The following ARHGAP15 variants were observed in gnomAD, a reference collection of about 807,000 sequenced individuals.
ARHGAP15 encodes Rho GTPase activating protein 15.
Under a neutral mutation model 63.7 loss-of-function variants are expected in ARHGAP15, and 51 were observed. That is an observed-to-expected ratio of 0.80 (90% CI 0.64 to 1.01). The LOEUF is 1.01. ARHGAP15 is among the 50% of genes least tolerant of loss of function. The probability of loss-of-function intolerance (pLI) is 0.00; values close to 1 mark genes in which losing one functional copy is unlikely to be tolerated. For missense variants in ARHGAP15, 560 were observed against 564.6 expected (o/e 0.99, Z 0.08); for synonymous variants, 191 against 193.8 (o/e 0.99, Z 0.12).
rs553325113 is a variant in ARHGAP15 at position 143,639,854 on chromosome 2, T to C, written c.1138+15587T>C. Reference sequence around the variant, plus strand: ...AAATACTATGTCTACTCACATTCAGTGGTATTCCACTTTTTAAAAAATGTT... The same window carrying C: ...AAATACTATGTCTACTCACATTCAGCGGTATTCCACTTTTTAAAAAATGTT... On this transcript the variant is annotated intron_variant, in intron 12 of 13. Coordinates refer to ENST00000295095, the MANE Select transcript of ARHGAP15 (RefSeq NM_018460.4). Among the ~76,000 whole-genome samples, 7 of 152,248 alleles carry C rather than the reference T, an allele frequency of 4.6e-5. No homozygotes were observed. In the South Asian group the frequency reaches 1.2e-3, roughly 27 times the overall value.
chr2:143,353,117 A>G (rs1177149697), intron 6 of ARHGAP15, among the ~76,000 whole-genome samples: 1 of 152,126 alleles, frequency 6.6e-6, no homozygotes, highest in African/African-American at 2.4e-5. Flanking sequence ...AAAAAATTAG[A>G]AGGCACATAA....
chr2:143,383,390 G>GAA (rs1198460913), intron 6 of ARHGAP15, among the ~76,000 whole-genome samples: 4 of 152,076 alleles, frequency 2.6e-5, no homozygotes, highest in Non-Finnish European at 4.4e-5. Context: ...TTAAGAATTA[G>GAA]AAATAGCCAT....
chr2:143,507,620 C>G (rs1447370298), intron 9 of ARHGAP15, among the ~76,000 whole-genome samples: 1 of 152,184 alleles, frequency 6.6e-6, no homozygotes, highest in East Asian at 1.9e-4. Flanking sequence ...TTGATGCTTT[C>G]CAAACTTAAA....
intron 9 of ARHGAP15, among the ~76,000 whole-genome samples, chr2:143,499,700 G>A (rs1350507863): frequency 6.6e-6 from 1 of 152,102 alleles, no homozygotes; most frequent in Non-Finnish European, 1.5e-5. Flanking sequence ...TAAGTAAGCT[G>A]TGTAGGAAGT....
chr2:143,404,406 A>G (rs1257082122), intron 6 of ARHGAP15, among the ~76,000 whole-genome samples: 1 of 151,956 alleles, frequency 6.6e-6, no homozygotes, highest in Non-Finnish European at 1.5e-5. Flanking sequence ...ATAAATGAAT[A>G]AATTGACAGA....
intron 11 of ARHGAP15, chr2:143,587,827 T>C (rs1697169139): frequency 2.2e-6 from 1 of 455,240 alleles, no homozygotes; most frequent in Admixed American, 2.5e-5. Context: ...GGTATTTATA[T>C]TTATTAAGTT....
intron 6 of ARHGAP15, among the ~76,000 whole-genome samples, chr2:143,416,068 C>G (rs1446544014): frequency 6.6e-6 from 1 of 151,710 alleles, no homozygotes; most frequent in African/African-American, 2.4e-5. Flanking sequence ...TCACAAATCA[C>G]CGCTAAAGAA....
At chr2:143,215,096 AT>A (rs1358959009) in intron 3 of ARHGAP15, among the ~76,000 whole-genome samples, 1 of 152,354 alleles carries the variant, frequency 6.6e-6, no homozygotes, top group East Asian at 1.9e-4. Context: ...CTCATAGCAC[AT>A]TATTTGCCTG....
intron 6 of ARHGAP15, among the ~76,000 whole-genome samples, chr2:143,340,887 A>G (rs1336018318): frequency 6.6e-6 from 1 of 152,154 alleles, no homozygotes; most frequent in Admixed American, 6.6e-5. Context: ...TAAATTAAAA[A>G]CGGCTAAGTG....
rs193297154 is a variant in ARHGAP15 at position 143,489,451 on chromosome 2, C to G, written c.826+1956C>G. 6.8e-4 allele frequency among the ~76,000 whole-genome samples: 104 copies of G among 152,222 alleles called. 1 individual carries two copies. Among genetic ancestry groups the G allele is most frequent in the Non-Finnish European group, 2.9e-5 (2 of 68,014 alleles). On this transcript the variant is annotated intron_variant, in intron 9 of 13. Transcript: ENST00000295095. ...TTGTCTTCAGTAGAATTTTTTTCCA[C>G]GTACAGATCAAGTTATGCAAATGTA...
rs548939838 is a variant in ARHGAP15 at position 143,265,201 on chromosome 2, G to A, written c.474+14601G>A. ...ATCTTTCTTGGCCTCCTGAAAATCA[G>A]AGAAAATTGTATATCTGTGATTTTT... is the stretch of plus-strand genomic sequence containing the variant. On this transcript the variant is annotated intron_variant, in intron 6 of 13. Coordinates refer to ENST00000295095, the MANE Select transcript of ARHGAP15 (RefSeq NM_018460.4). Among the ~76,000 whole-genome samples the A allele has an allele frequency of 6.7e-5, 10 of 149,862 alleles. No individual in the cohort carries two copies. The East Asian group carries it at 2.0e-3, about 29-fold the overall frequency.
chr2:143,136,582 C>T (rs1193045000), intron 1 of ARHGAP15, among the ~76,000 whole-genome samples: 1 of 151,964 alleles, frequency 6.6e-6, no homozygotes, highest in East Asian at 1.9e-4. Flanking sequence ...GCCCCCGGCT[C>T]CAGGTGACTC....
intron 12 of ARHGAP15, among the ~76,000 whole-genome samples, chr2:143,686,871 G>A (rs1204638894): frequency 6.6e-6 from 1 of 152,154 alleles, no homozygotes; most frequent in Non-Finnish European, 1.5e-5. Flanking sequence ...ATTCTTGTTT[G>A]TCCAACAACT....
intron 11 of ARHGAP15, among the ~76,000 whole-genome samples, chr2:143,600,315 G>T (rs1697715324): frequency 6.6e-6 from 1 of 152,060 alleles, no homozygotes; most frequent in Non-Finnish European, 1.5e-5. Flanking sequence ...ATCTTCAATA[G>T]TTCCTATTAT....
chr2:143,694,737 A>G (rs998392780), intron 12 of ARHGAP15, among the ~76,000 whole-genome samples: 6 of 152,208 alleles, frequency 3.9e-5, no homozygotes, highest in African/African-American at 1.4e-4. Flanking sequence ...TCACTATGTG[A>G]CCATGTCAGA....
intron 5 of ARHGAP15, among the ~76,000 whole-genome samples, chr2:143,230,998 A>G (rs1035358697): frequency 2.0e-5 from 3 of 151,884 alleles, no homozygotes; most frequent in African/African-American, 7.3e-5. Context: ...TTAAGTGTTA[A>G]TGCAGCAGTG....
intron 2 of ARHGAP15, among the ~76,000 whole-genome samples, chr2:143,191,303 G>C (rs1691677740): frequency 6.6e-6 from 1 of 152,126 alleles, no homozygotes; most frequent in African/African-American, 2.4e-5. Flanking sequence ...AGAAATTATG[G>C]AAGTCCACCT....
At chr2:143,483,458 C>T (rs1041889015) in intron 8 of ARHGAP15, among the ~76,000 whole-genome samples, 1 of 152,106 alleles carries the variant, frequency 6.6e-6, no homozygotes, top group Non-Finnish European at 1.5e-5. Flanking sequence ...TGAGGTGAGA[C>T]CAGAAATCGA....
chr2:143,536,977 T>G (rs1287448107), intron 10 of ARHGAP15, among the ~76,000 whole-genome samples: 4 of 151,136 alleles, frequency 2.6e-5, no homozygotes, highest in South Asian at 2.1e-4. Context: ...TGAACTAGTT[T>G]ACAGTCCCAC....
Sources: gnomAD v4.1 joint callset for allele counts (sites outside exome capture counted in the v4.1 genomes callset) on GRCh38, gnomAD v4.1.1 for gene constraint, MANE v1.5 for transcripts, NCBI Gene and HGNC (gene_info 2026-07-23, HGNC 2026-07-21) for gene names.